The following CCSER1 variants were observed in gnomAD, a reference collection of about 807,000 sequenced individuals.
CCSER1 encodes coiled-coil serine rich protein 1.
Under a neutral mutation model 82.0 loss-of-function variants are expected in CCSER1, and 41 were observed. That is an observed-to-expected ratio of 0.50 (90% CI 0.39 to 0.65). The LOEUF (loss-of-function observed/expected upper bound fraction) is 0.65, where lower values mean the gene tolerates loss of function less well. CCSER1 is among the 30% of genes least tolerant of loss of function. The probability of loss-of-function intolerance (pLI) is 0.00; values close to 1 mark genes in which losing one functional copy is unlikely to be tolerated. For synonymous variants in CCSER1, 414 were observed against 383.9 expected (o/e 1.08, Z -0.92); for missense variants, 1,119 against 1,064.2 (o/e 1.05, Z -0.72).
At position 90,999,882 on chromosome 4, in the gene CCSER1, T is replaced by G. The variant is rs1378036564; in HGVS notation, c.2172+76435T>G. The stretch of plus-strand genomic sequence containing the variant: ...TGTCCAGAATGGTGTTTCTGAGGTT[T>G]TTTTTTTTTTTTTCCCTAGGATTCT... On this transcript the variant is annotated intron_variant, in intron 9 of 10. Coordinates refer to ENST00000509176, the MANE Select transcript of CCSER1 (RefSeq NM_001145065.2). Among the ~76,000 whole-genome samples the G allele has an allele frequency of 9.4e-3, 349 of 37,064 alleles. 1 individual carries two copies. The highest frequency in any genetic ancestry group is 0.023 in the African/African-American group (299 of 13,180). The allele number at this position is 37,064 out of a possible 152,430, so 24.3% of individuals were successfully genotyped here. A position where few individuals can be genotyped will look rare whatever the true frequency, so the allele number is the denominator to read the frequency against.
At chr4:91,223,618 A>G (rs1737924278) in intron 10 of CCSER1, among the ~76,000 whole-genome samples, 1 of 152,114 alleles carries the variant, frequency 6.6e-6, no homozygotes, top group Non-Finnish European at 1.5e-5. Context: ...TTTAGGAGGG[A>G]AAACATAGCT....
chr4:91,314,163 T>C (rs1284433780), intron 10 of CCSER1, among the ~76,000 whole-genome samples: 1 of 152,032 alleles, frequency 6.6e-6, no homozygotes, highest in East Asian at 1.9e-4. Flanking sequence ...TACCCAGTTA[T>C]GAAAACAAGT....
intron 5 of CCSER1, among the ~76,000 whole-genome samples, chr4:90,589,084 C>A (rs1487813851): frequency 1.3e-5 from 2 of 151,922 alleles, no homozygotes; most frequent in East Asian, 3.9e-4. Flanking sequence ...GGCAAATATA[C>A]CAGTAACTAA....
At position 90,683,835 on chromosome 4, in the gene CCSER1, A is replaced by G. The variant is rs1429193510; in HGVS notation, c.1933-40079A>G. Among the ~76,000 whole-genome samples, 5 of 152,122 alleles carry G rather than the reference A, an allele frequency of 3.3e-5. 1 individual carries two copies. Among genetic ancestry groups the G allele is most frequent in the Non-Finnish European group, 7.4e-5 (5 of 67,982 alleles). On this transcript the variant is annotated intron_variant, in intron 6 of 10. Transcript: ENST00000509176. ...AAGTAGTAAACTAATGAGGGATTGT[A>G]TGTCTGACAATAGTCTAAAATTGTC...
intron 4 of CCSER1, among the ~76,000 whole-genome samples, chr4:90,454,721 A>G (rs1761957665): frequency 6.6e-6 from 1 of 152,178 alleles, no homozygotes; most frequent in Non-Finnish European, 1.5e-5. Flanking sequence ...GCTTTTCCAC[A>G]GTAGTCAGGA....
In CCSER1 at chr4:90,736,773, T is replaced by A. The variant is rs984570394; in HGVS notation, c.2010+12782T>A. Among the ~76,000 whole-genome samples the A allele has an allele frequency of 3.3e-5, 5 of 152,064 alleles. No individual in the cohort carries two copies. The South Asian group carries it at 1.0e-3, about 31-fold the overall frequency. ...GTTTTCTGGTTGTTTTTTCCTTCTT[T>A]CCTCCCTTGCTATTTTCTTTTGTGT... On this transcript the variant is annotated intron_variant, in intron 7 of 10. Coordinates refer to ENST00000509176, the MANE Select transcript of CCSER1 (RefSeq NM_001145065.2).
chr4:90,551,076 A>G (rs1777419219), intron 5 of CCSER1, among the ~76,000 whole-genome samples: 1 of 152,144 alleles, frequency 6.6e-6, no homozygotes, highest in South Asian at 2.1e-4. Context: ...GTGGTGTTTC[A>G]GCATATTTTA....
chr4:91,383,267 T>C (rs1560629036), intron 10 of CCSER1, among the ~76,000 whole-genome samples: 2 of 152,144 alleles, frequency 1.3e-5, no homozygotes, highest in East Asian at 3.9e-4. Context: ...GTATTGAGCA[T>C]TTTAAAGACA....
intron 1 of CCSER1, among the ~76,000 whole-genome samples, chr4:90,276,235 TTTCTTTCTTTCTTTCTTTCCTTCCTTCC>T (rs1163884267): frequency 1.4e-4 from 15 of 109,152 alleles, no homozygotes; most frequent in East Asian, 1.1e-3. Flanking sequence ...TCTTTCTTTC[TTTCTTTCTTTCTTTCTTTCCTTCCTTCC>T]TTCCTTCCTT....
At chr4:90,304,995 C>T (rs1733985728) in intron 1 of CCSER1, among the ~76,000 whole-genome samples, 1 of 151,750 alleles carries the variant, frequency 6.6e-6, no homozygotes, top group Non-Finnish European at 1.5e-5. Flanking sequence ...TGGCTCACTG[C>T]AACCTCCGCT....
intron 6 of CCSER1, among the ~76,000 whole-genome samples, chr4:90,662,115 C>T (rs1730933110): frequency 6.6e-6 from 1 of 151,814 alleles, no homozygotes; most frequent in Admixed American, 6.6e-5. Flanking sequence ...TCTCCTGCCT[C>T]AGCCTCCCAA....
At chr4:90,271,826 T>TTATACATATATA (rs1726339663) in intron 1 of CCSER1, among the ~76,000 whole-genome samples, 1 of 42,880 alleles carries the variant, frequency 2.3e-5, no homozygotes, top group Non-Finnish European at 4.2e-5. Context: ...ACTGGACAAT[T>TTATACATATATA]TATATATATA....
chr4:90,850,697 T>C (rs2149927058), intron 8 of CCSER1, among the ~76,000 whole-genome samples: 1 of 152,368 alleles, frequency 6.6e-6, no homozygotes, highest in East Asian at 1.9e-4. Flanking sequence ...TGGAAGTAAC[T>C]AATATGCCTT....
chr4:91,243,883 G>A (rs1305575668), intron 10 of CCSER1, among the ~76,000 whole-genome samples: 1 of 152,030 alleles, frequency 6.6e-6, no homozygotes, highest in Non-Finnish European at 1.5e-5. Flanking sequence ...GAAAAGCAGA[G>A]GGAAAAGTAA....
intron 9 of CCSER1, among the ~76,000 whole-genome samples, chr4:91,045,213 T>C (rs13133514): frequency 0.37 from 56,250 of 152,086 alleles, 11,663 homozygotes; most frequent in East Asian, 0.64. Flanking sequence ...AGATCCTTTT[T>C]AACTTCTAAG....
At chr4:90,912,739 A>G (rs539272307) in intron 8 of CCSER1, among the ~76,000 whole-genome samples, 1 of 152,298 alleles carries the variant, frequency 6.6e-6, no homozygotes, top group East Asian at 1.9e-4. Flanking sequence ...AAAAACCTTG[A>G]AAAAAGATTA....
At chr4:91,116,179 T>C (rs955928692) in intron 10 of CCSER1, among the ~76,000 whole-genome samples, 1 of 152,082 alleles carries the variant, frequency 6.6e-6, no homozygotes, top group Admixed American at 6.6e-5. Flanking sequence ...AACCCAAATG[T>C]TCAACAATGA....
intron 5 of CCSER1, among the ~76,000 whole-genome samples, chr4:90,473,498 C>T (rs1764662924): frequency 6.6e-6 from 1 of 152,148 alleles, no homozygotes; most frequent in African/African-American, 2.4e-5. Flanking sequence ...TGTAATGCTT[C>T]AGTTTCTTGT....
chr4:91,021,050 T>G (rs1739914711), intron 9 of CCSER1, among the ~76,000 whole-genome samples: 1 of 152,212 alleles, frequency 6.6e-6, no homozygotes, highest in Admixed American at 6.5e-5. Flanking sequence ...TCCCTTCCAT[T>G]ATGAGATTAT....
Sources: allele counts gnomAD v4.1 joint callset (sites outside exome capture counted in the v4.1 genomes callset), GRCh38; gene constraint gnomAD v4.1.1; transcripts MANE v1.5; gene names NCBI Gene and HGNC (gene_info 2026-07-23, HGNC 2026-07-21).